AGMO: variants seen among roughly 807,000 people sequenced by gnomAD.
AGMO encodes the protein alkylglycerol monooxygenase.
A neutral mutation model predicts 60.2 loss-of-function variants in AGMO; 75 were observed. That is an observed-to-expected ratio of 1.25 (90% CI 1.03 to 1.51). AGMO has a LOEUF of 1.51. Ranked by LOEUF, AGMO falls within the 40% of genes most tolerant of loss-of-function variation. The pLI is 0.00. For missense variants in AGMO, 763 were observed against 525.5 expected, an observed-to-expected ratio of 1.45 and a Z score of -4.42; for synonymous variants, 261 against 177.1, an observed-to-expected ratio of 1.47 and a Z score of -3.76.
At chr7:15,353,600 T>A (rs1295564941) in intron 12 of AGMO, among the ~76,000 whole-genome samples, 1 of 152,178 alleles carries the variant, frequency 6.6e-6, no homozygotes, top group Non-Finnish European at 1.5e-5. Context: ...AACTCAGTAT[T>A]TTTTGGACGT....
chr7:15,343,194 G>A (rs945310254), intron 12 of AGMO, among the ~76,000 whole-genome samples: 21 of 152,108 alleles, frequency 1.4e-4, no homozygotes, highest in African/African-American at 4.8e-4. Flanking sequence ...ACTCGCCACT[G>A]TAAAATGATC....
chr7:15,127,463 G>C, the AGMO span, among the ~76,000 whole-genome samples: 8 of 151,978 alleles, frequency 5.3e-5, no homozygotes, highest in Non-Finnish European at 1.2e-4. Flanking sequence ...TATGTTGACA[G>C]TTCTCCAAGA....
At chr7:15,459,235 A>G (rs1445902674) in intron 3 of AGMO, among the ~76,000 whole-genome samples, 1 of 152,178 alleles carries the variant, frequency 6.6e-6, no homozygotes, top group Non-Finnish European at 1.5e-5. Flanking sequence ...AAAATCACCC[A>G]ATGAGTTGTT....
chr7:15,494,855 C>G (rs900777312), intron 3 of AGMO, among the ~76,000 whole-genome samples: 17 of 152,182 alleles, frequency 1.1e-4, no homozygotes, highest in Admixed American at 1.0e-3. Context: ...CTCTCGCAAG[C>G]CTGTTGCAAA....
In AGMO at chr7:15,275,420, GT is replaced by G. The variant is rs1563065628; in HGVS notation, c.1264-74062del. The stretch of plus-strand genomic sequence containing the variant: ...TAAAAAGACATTTGATATAATTTCA[GT>G]TTTTTTAATTGATTGAGATTTGCTT... On this transcript the variant is annotated intron_variant, in intron 12 of 12. Coordinates refer to ENST00000342526, the MANE Select transcript of AGMO (RefSeq NM_001004320.2). 2.0e-5 allele frequency among the ~76,000 whole-genome samples: 3 copies of G among 151,896 alleles called. No individual in the cohort carries two copies. In the South Asian group the frequency reaches 6.2e-4, roughly 32 times the overall value.
chr7:15,298,855 A>T (rs976932117), intron 12 of AGMO, among the ~76,000 whole-genome samples: 1 of 152,298 alleles, frequency 6.6e-6, no homozygotes, highest in East Asian at 1.9e-4. Flanking sequence ...TTAGTATAAC[A>T]TATCTTCTGA....
chr7:15,461,808 A>G (rs953950688), intron 3 of AGMO, among the ~76,000 whole-genome samples: 1 of 152,134 alleles, frequency 6.6e-6, no homozygotes, highest in African/African-American at 2.4e-5. Context: ...TTGAAGAAGT[A>G]TAGTGCAAAT....
At chr7:15,536,603 C>G (rs75868520) in intron 3 of AGMO, among the ~76,000 whole-genome samples, 1,967 of 151,808 alleles carry the variant, frequency 0.013, 51 homozygotes, top group African/African-American at 0.046. Flanking sequence ...AGTGACCATA[C>G]CTGTTATTAA....
At chr7:15,337,053 T>C (rs1055516329) in intron 12 of AGMO, among the ~76,000 whole-genome samples, 1 of 152,146 alleles carries the variant, frequency 6.6e-6, no homozygotes, top group African/African-American at 2.4e-5. Context: ...TGCCATCAAA[T>C]TTTCTTGAAA....
chr7:15,509,417 C>T (rs566062519), intron 3 of AGMO, among the ~76,000 whole-genome samples: 1 of 151,214 alleles, frequency 6.6e-6, no homozygotes, highest in East Asian at 1.9e-4. Context: ...TTACACAGTA[C>T]ACAAAAATAT....
the AGMO span, among the ~76,000 whole-genome samples, chr7:15,189,180 A>C: frequency 2.0e-5 from 3 of 152,280 alleles, no homozygotes; most frequent in Non-Finnish European, 2.9e-5. Flanking sequence ...CACCATCAAA[A>C]GGCTTTAAGA....
intron 12 of AGMO, among the ~76,000 whole-genome samples, chr7:15,315,652 A>G (rs1257407289): frequency 6.6e-6 from 1 of 152,064 alleles, no homozygotes; most frequent in East Asian, 1.9e-4. Context: ...TGAAGTTTTT[A>G]GCAACAGAAA....
At chr7:15,214,793 A>G (rs1253191579) in intron 12 of AGMO, among the ~76,000 whole-genome samples, 1 of 152,098 alleles carries the variant, frequency 6.6e-6, no homozygotes, top group East Asian at 1.9e-4. Context: ...GGTAAGTCGT[A>G]AATCCTGATA....
chr7:15,337,624 G>T lies in AGMO; in HGVS notation c.1263+27890C>A, dbSNP rs532711024. Among the ~76,000 whole-genome samples, 10 of 152,278 alleles carry T rather than the reference G, an allele frequency of 6.6e-5. No individual in the cohort carries two copies. In the East Asian group the frequency reaches 1.9e-3, roughly 29 times the overall value. On this transcript the variant is annotated intron_variant, in intron 12 of 12. Coordinates refer to ENST00000342526, the MANE Select transcript of AGMO (RefSeq NM_001004320.2). ...ATTACAATTCTGCCTGGGAAAATGA[G>T]AGGGCCAACTGCAACCCACCTGCTC...
chr7:15,531,208 T>C (rs1470334891), intron 3 of AGMO, among the ~76,000 whole-genome samples: 1 of 84,318 alleles, frequency 1.2e-5, no homozygotes, highest in African/African-American at 5.4e-5. Context: ...ATATATATTC[T>C]ATATATTCTA....
At chr7:15,378,704 A>G (rs967296856) in intron 10 of AGMO, among the ~76,000 whole-genome samples, 2 of 151,818 alleles carry the variant, frequency 1.3e-5, no homozygotes, top group African/African-American at 2.4e-5. Flanking sequence ...TGATAGATAC[A>G]GTCAGAACTC....
intron 12 of AGMO, among the ~76,000 whole-genome samples, chr7:15,314,163 T>C (rs1039959070): frequency 6.6e-6 from 1 of 151,960 alleles, no homozygotes; most frequent in African/African-American, 2.4e-5. Context: ...AAAAAGGTGA[T>C]TTACATCCGG....
intron 3 of AGMO, among the ~76,000 whole-genome samples, chr7:15,482,555 G>A (rs546246893): frequency 5.9e-5 from 9 of 152,166 alleles, no homozygotes; most frequent in African/African-American, 2.2e-4. Flanking sequence ...TTTCACAACT[G>A]AATTACCCCA....
At chr7:15,390,447 G>A (rs911161057) in intron 8 of AGMO, among the ~76,000 whole-genome samples, 4 of 152,026 alleles carry the variant, frequency 2.6e-5, no homozygotes, top group Admixed American at 2.6e-4. Flanking sequence ...TTTCATTCTA[G>A]GCCATAGACA....
Sources: gnomAD v4.1 joint callset for allele counts (sites outside exome capture counted in the v4.1 genomes callset) on GRCh38, gnomAD v4.1.1 for gene constraint, MANE v1.5 for transcripts, NCBI Gene and HGNC (gene_info 2026-07-23, HGNC 2026-07-21) for gene names.